KCNB2: variants seen among roughly 807,000 people sequenced by gnomAD.
KCNB2 encodes potassium voltage-gated channel subfamily B member 2, also known as delayed rectifier potassium channel protein.
In KCNB2, 15 loss-of-function variants were observed where a neutral mutation model predicts 61.5. That is an observed-to-expected ratio of 0.24 (90% CI 0.16 to 0.38). The LOEUF is 0.38. Ranked by LOEUF, KCNB2 falls within the 10% of genes least tolerant of loss-of-function variation. The pLI, the probability that KCNB2 is intolerant of heterozygous loss-of-function variation, is 1.00. For missense variants in KCNB2, 828 were observed against 1,125.2 expected, an observed-to-expected ratio of 0.74 and a Z score of 3.78; for synonymous variants, 457 against 446.0, an observed-to-expected ratio of 1.02 and a Z score of -0.31.
At chr8:72,596,463 C>G (rs1807191875) in intron 2 of KCNB2, among the ~76,000 whole-genome samples, 1 of 152,142 alleles carries the variant, frequency 6.6e-6, no homozygotes, top group Admixed American at 6.5e-5. Context: ...ATTTTAGTCT[C>G]TTACTGGGAT....
chr8:72,753,362 G>A (rs1001991004), intron 2 of KCNB2, among the ~76,000 whole-genome samples: 8 of 152,140 alleles, frequency 5.3e-5, no homozygotes, highest in African/African-American at 1.7e-4. Context: ...TAGTACAATC[G>A]AACACATTTT....
chr8:72,926,746 A>G, intron 2 of KCNB2, among the ~76,000 whole-genome samples: 1 of 152,180 alleles, frequency 6.6e-6, no homozygotes, highest in East Asian at 1.9e-4. Flanking sequence ...CTCCATAGCA[A>G]GCAGGGTCGA....
At chr8:72,756,491 G>A (rs1445980733) in intron 2 of KCNB2, among the ~76,000 whole-genome samples, 1 of 152,138 alleles carries the variant, frequency 6.6e-6, no homozygotes, top group Non-Finnish European at 1.5e-5. Context: ...ATCACCTATG[G>A]AGTTTTTAAA....
intron 2 of KCNB2, among the ~76,000 whole-genome samples, chr8:72,864,031 C>T (rs1378963442): frequency 1.3e-5 from 2 of 152,206 alleles, no homozygotes; most frequent in African/African-American, 2.4e-5. Flanking sequence ...GGGGAATAGT[C>T]GCTTTTTGCA....
intron 2 of KCNB2, among the ~76,000 whole-genome samples, chr8:72,645,960 T>A (rs976440148): frequency 6.6e-6 from 1 of 152,160 alleles, no homozygotes; most frequent in Admixed American, 6.5e-5. Context: ...GCCACTGAAA[T>A]GTCAATTGAT....
chr8:72,828,904 A>G (rs187809833), intron 2 of KCNB2, among the ~76,000 whole-genome samples: 1 of 152,298 alleles, frequency 6.6e-6, no homozygotes, highest in Admixed American at 6.5e-5. Context: ...ATTCAGCCTT[A>G]TTCAAAGTAT....
At position 72,770,950 on chromosome 8, in the gene KCNB2, C is replaced by T. The variant is rs191290056; in HGVS notation, c.580-164985C>T. Among the ~76,000 whole-genome samples the T allele has an allele frequency of 4.2e-3, 635 of 152,322 alleles. 4 individuals are homozygous for T. Among genetic ancestry groups the T allele is most frequent in the Non-Finnish European group, 5.5e-3 (373 of 68,028 alleles). On this transcript the variant is annotated intron_variant, in intron 2 of 2. Coordinates refer to ENST00000523207, the MANE Select transcript of KCNB2 (RefSeq NM_004770.3). ...GGCAAATTGCACTGTTCTTGTATTG[C>T]TCCAAATGATATTTTAAAAACATTC...
At chr8:72,917,520 C>T (rs1806425052) in intron 2 of KCNB2, among the ~76,000 whole-genome samples, 1 of 152,160 alleles carries the variant, frequency 6.6e-6, no homozygotes, top group Non-Finnish European at 1.5e-5. Context: ...AGTAAATCAA[C>T]TCCATTTAAA....
At chr8:72,658,001 C>CA (rs34180263) in intron 2 of KCNB2, among the ~76,000 whole-genome samples, 2,236 of 152,212 alleles carry the variant, frequency 0.015, 43 homozygotes, top group African/African-American at 0.052. Flanking sequence ...TCCCTGAGAC[C>CA]CAGCAATATT....
chr8:72,710,568 A>G (rs1031178841), intron 2 of KCNB2, among the ~76,000 whole-genome samples: 2 of 152,152 alleles, frequency 1.3e-5, no homozygotes, highest in African/African-American at 4.8e-5. Flanking sequence ...AAGCAGGCCC[A>G]TGTACCTCAG....
chr8:72,780,376 T>C (rs549908486), intron 2 of KCNB2, among the ~76,000 whole-genome samples: 1 of 152,320 alleles, frequency 6.6e-6, no homozygotes, highest in African/African-American at 2.4e-5. Flanking sequence ...CAAATATCAT[T>C]TAGCTATTGA....
chr8:72,844,664 C>G (rs544078269), intron 2 of KCNB2, among the ~76,000 whole-genome samples: 234 of 152,238 alleles, frequency 1.5e-3, no homozygotes, highest in African/African-American at 5.5e-3. Flanking sequence ...CTAATCTTGT[C>G]TTCATGCTTT....
chr8:72,633,584 C>G (rs550843223), intron 2 of KCNB2, among the ~76,000 whole-genome samples: 5 of 152,242 alleles, frequency 3.3e-5, no homozygotes, highest in African/African-American at 1.2e-4. Context: ...TCTCTGTTTT[C>G]TCTTAGAAGA....
At chr8:72,924,364 T>G (rs1357874041) in intron 2 of KCNB2, among the ~76,000 whole-genome samples, 1 of 31,262 alleles carries the variant, frequency 3.2e-5, no homozygotes, top group African/African-American at 1.0e-4. Flanking sequence ...AATTCTGATT[T>G]TTTTTTTAAG....
At chr8:72,804,466 G>T (rs570331901) in intron 2 of KCNB2, among the ~76,000 whole-genome samples, 1 of 152,130 alleles carries the variant, frequency 6.6e-6, no homozygotes, top group East Asian at 1.9e-4. Context: ...CCTAGGAACA[G>T]AAAAAAGAAT....
intron 2 of KCNB2, among the ~76,000 whole-genome samples, chr8:72,831,423 A>G (rs1238069629): frequency 1.3e-5 from 2 of 152,244 alleles, no homozygotes; most frequent in Non-Finnish European, 2.9e-5. Flanking sequence ...ATAAAAGATT[A>G]AGAAAAGAGA....
chr8:72,875,372 G>A (rs903811225), intron 2 of KCNB2, among the ~76,000 whole-genome samples: 11 of 152,208 alleles, frequency 7.2e-5, no homozygotes, highest in African/African-American at 2.4e-4. Context: ...CTGGCAGCCC[G>A]CTCCACAAAC....
intron 2 of KCNB2, among the ~76,000 whole-genome samples, chr8:72,695,062 C>T (rs1190097841): frequency 6.6e-6 from 1 of 151,972 alleles, no homozygotes; most frequent in South Asian, 2.1e-4. Flanking sequence ...GCCTGTATTC[C>T]CTTACCTGTA....
At chr8:72,608,222 A>G (rs993207580) in intron 2 of KCNB2, among the ~76,000 whole-genome samples, 1 of 152,060 alleles carries the variant, frequency 6.6e-6, no homozygotes, top group Non-Finnish European at 1.5e-5. Flanking sequence ...GATATGGCAG[A>G]TGGGGGTGGG....
Sources: allele counts gnomAD v4.1 joint callset (sites outside exome capture counted in the v4.1 genomes callset), GRCh38; gene constraint gnomAD v4.1.1; transcripts MANE v1.5; gene names NCBI Gene and HGNC (gene_info 2026-07-23, HGNC 2026-07-21).